PNPLA6: variants seen among roughly 807,000 people sequenced by gnomAD.
The protein encoded by PNPLA6 is patatin-like phospholipase domain-containing protein 6.
A neutral mutation model predicts 153.7 loss-of-function variants in PNPLA6; 105 were observed. The observed-to-expected ratio is 0.68, with a 90% confidence interval of 0.58 to 0.80. The LOEUF is 0.80. Among genes scored for constraint, PNPLA6 ranks in the 30% least tolerant of loss-of-function variants. The pLI, the probability that PNPLA6 is intolerant of heterozygous loss-of-function variation, is 0.00. For missense variants in PNPLA6, 1,423 were observed against 1,919.3 expected (o/e 0.74, Z 4.83); for synonymous variants, 825 against 822.2 (o/e 1.00, Z -0.06).
At chr19:7,557,966 G>A (rs2023957670) in intron 27 of PNPLA6, among the ~76,000 whole-genome samples, 1 of 152,292 alleles carries the variant, frequency 6.6e-6, no homozygotes, top group Non-Finnish European at 1.5e-5. Context: ...TCTCTCAGGG[G>A]CAGGTAGGGC....
Position 7,541,088 on chromosome 19 carries a change from AC to A in PNPLA6, c.924+41del. 1 of 1,596,042 alleles carries A rather than the reference AC, an allele frequency of 6.3e-7. No homozygotes were observed. The highest frequency in any genetic ancestry group is 1.1e-5 in the South Asian group (1 of 88,686). ...TTCGCCTCCTGTCACCCCCTGAGGGACCCCACCCTGGCCCCCACCCATTCCA... is the reference window on the plus strand; with the variant it reads ...TTCGCCTCCTGTCACCCCCTGAGGGACCCACCCTGGCCCCCACCCATTCCA... On this transcript the variant is annotated intron_variant, in intron 7 of 31. Coordinates refer to ENST00000600737, the MANE Select transcript of PNPLA6 (RefSeq NM_001166114.2). This position sits in a 1 kb window ranked among gnomAD's most constrained non-coding sequence, Gnocchi z 5.2.
chr19:7,535,465 GA>G, upstream of PNPLA6: 1 of 1,403,876 alleles, frequency 7.1e-7, no homozygotes, highest in Non-Finnish European at 9.9e-7. The surrounding 1 kb of genome is among the most constrained non-coding windows in gnomAD (Gnocchi z 5.0). Flanking sequence ...GGTGGGCCCA[GA>G]TTGACGACTT....
chr19:7,555,405 A>G lies in PNPLA6; in HGVS notation c.2936+38A>G, dbSNP rs1185705692. On this transcript the variant is annotated intron_variant, in intron 23 of 31. Coordinates refer to ENST00000600737, the MANE Select transcript of PNPLA6 (RefSeq NM_001166114.2). The surrounding 1 kb of genome is among the most constrained non-coding windows in gnomAD (Gnocchi z 6.3). ...CTTGCTCTCTGGGGGCGGGGCCTGG[A>G]TGTCCGAGGGTGGAGCTTCCTGGGA... The G allele has an allele frequency of 4.9e-6, 7 of 1,421,722 alleles. No individual in the cohort carries two copies. The Admixed American group carries it at 5.9e-5, about 12-fold the overall frequency. The allele number at this position is 1,421,722 out of a possible 1,614,324, so 88.1% of individuals were successfully genotyped here.
At chr19:7,551,463 G>A (rs754436499) in intron 18 of PNPLA6, 26 bp downstream of exon 18, 214 of 1,581,706 alleles carry the variant, frequency 1.4e-4, no homozygotes, top group Non-Finnish European at 1.9e-4. Context: ...CCCAGAGCGT[G>A]CTGGGAGATG....
At chr19:7,539,530 G>A (rs1158350554) in intron 3 of PNPLA6, among the ~76,000 whole-genome samples, 3 of 150,962 alleles carry the variant, frequency 2.0e-5, no homozygotes, top group Non-Finnish European at 4.4e-5. Context: ...GGCCGAGTCG[G>A]GCGGATCACC....
chr19:7,535,201 C>T (rs919363795), upstream of PNPLA6: 3 of 517,720 alleles, frequency 5.8e-6, no homozygotes, highest in African/African-American at 5.8e-5. The surrounding 1 kb of genome is among the most constrained non-coding windows in gnomAD (Gnocchi z 5.0). Context: ...AGGCTGCTGA[C>T]AGTGGGTACC....
intron 3 of PNPLA6, among the ~76,000 whole-genome samples, chr19:7,538,202 C>T: frequency 6.6e-6 from 1 of 152,016 alleles, no homozygotes; most frequent in East Asian, 1.9e-4. Context: ...ATTTTGGAGA[C>T]AGGATCACAC....
In PNPLA6 at chr19:7,553,945, C is replaced by T; in HGVS notation, c.2331C>T (p.Ile777=). Residue 777 remains isoleucine, a synonymous_variant, in exon 19 of 32, where the codon ATC becomes ATT. Coordinates refer to ENST00000600737, the MANE Select transcript of PNPLA6 (RefSeq NM_001166114.2). ...NPASNLATVA[I]LPVCAEVPMV... ...CCAGCAACCTGGCAACTGTGGCAATCCTGCCTGTGTGTGCTGAGGTCCCCA... is the reference window on the plus strand; with the variant it reads ...CCAGCAACCTGGCAACTGTGGCAATTCTGCCTGTGTGTGCTGAGGTCCCCA... 6.2e-7 allele frequency: 1 copy of T among 1,614,192 alleles called. No homozygotes were observed. Among genetic ancestry groups the T allele is most frequent in the South Asian group, 1.1e-5 (1 of 91,084 alleles).
chr19:7,544,302 G>A (rs1021983022), intron 13 of PNPLA6, among the ~76,000 whole-genome samples: 3 of 151,828 alleles, frequency 2.0e-5, no homozygotes, highest in Non-Finnish European at 4.4e-5. Context: ...AGTAGAGATG[G>A]GGTTTTGCCA....
chr19:7,536,670 T>TA, intron 3 of PNPLA6, 124 bp downstream of exon 3: 1 of 737,256 alleles, frequency 1.4e-6, no homozygotes, highest in Non-Finnish European at 2.4e-6. Flanking sequence ...CTCATGCCTG[T>TA]AATTCCCAGC....
At position 7,561,689 on chromosome 19, in the gene PNPLA6, C is replaced by T. The variant is rs957413547; in HGVS notation, c.*127C>T. The stretch of plus-strand genomic sequence containing the variant: ...CCCCGCGGCCCACACACTGGACTGA[C>T]CTGCCCTGAGCGGGGATGCAGTGTT... On this transcript the variant is annotated 3_prime_UTR_variant, in exon 32 of 32. Transcript: ENST00000600737. 1 of 728,196 alleles carries T rather than the reference C, an allele frequency of 1.4e-6. No homozygotes were observed. The highest frequency in any genetic ancestry group is 2.4e-6 in the Non-Finnish European group (1 of 408,640). The allele number at this position is 728,196 out of a possible 1,614,324, so 45.1% of individuals were successfully genotyped here.
chr19:7,547,971 A>G (rs1385647515), intron 13 of PNPLA6, among the ~76,000 whole-genome samples: 1 of 151,358 alleles, frequency 6.6e-6, no homozygotes, highest in East Asian at 1.9e-4. Context: ...CCCCTTCAGT[A>G]TACTTTAAAT....
rs2023444889 is a variant in PNPLA6 at position 7,547,783 on chromosome 19, A to G, written c.1609-2124A>G. On this transcript the variant is annotated intron_variant, in intron 13 of 31. Coordinates refer to ENST00000600737, the MANE Select transcript of PNPLA6 (RefSeq NM_001166114.2). ...CTCCAGAGTAGCCAGGACTATAGACACATGCTACCATGCCTGGCTAATTAA... is the reference window on the plus strand; with the variant it reads ...CTCCAGAGTAGCCAGGACTATAGACGCATGCTACCATGCCTGGCTAATTAA... Among the ~76,000 whole-genome samples the G allele has an allele frequency of 2.7e-5, 4 of 145,640 alleles. No homozygotes were observed. In the South Asian group the frequency reaches 8.7e-4, roughly 32 times the overall value.
chr19:7,548,508 G>T (rs937261279), intron 13 of PNPLA6, among the ~76,000 whole-genome samples: 3 of 152,032 alleles, frequency 2.0e-5, no homozygotes, highest in African/African-American at 7.2e-5. Flanking sequence ...TGGGCAGCAG[G>T]GTGGACAAGC....
intron 24 of PNPLA6, 88 bp from the exon 25 acceptor site, chr19:7,556,365 A>T (rs944885246): frequency 2.4e-6 from 2 of 839,432 alleles, no homozygotes; most frequent in Non-Finnish European, 2.1e-6. Flanking sequence ...CCTGGCCCCT[A>T]AGTGCTGCTT....
rs142422525 is a variant in PNPLA6 at position 7,558,948 on chromosome 19, G to A, written c.3496G>A (p.Gly1166Ser). 1.5e-5 allele frequency: 24 copies of A among 1,614,076 alleles called. No homozygotes were observed. Among genetic ancestry groups the A allele is most frequent in the African/African-American group, 4.0e-5 (3 of 74,944 alleles). ...CAGCACCTACGGGGACAGCCTGTCC[G>A]GCTGGTGGCTGCTGTGGAAGCGGCT... The part of the protein sequence containing the change: ...DLSTYGDSLS[G>S]WWLLWKRLNP... Residue 1166 changes from glycine (G) to serine (S), a missense_variant, in exon 28 of 32, where the codon GGC becomes AGC. Around this residue, in one of 10 missense-constraint regions of PNPLA6, gnomAD observed 643 missense variants for 835.2 expected, o/e 0.77. Transcript: ENST00000600737.
intron 18 of PNPLA6, among the ~76,000 whole-genome samples, chr19:7,553,027 A>G (rs480208): frequency 0.51 from 60,830 of 118,896 alleles, 13,568 homozygotes; most frequent in South Asian, 0.63. Context: ...GGGAGAGGTG[A>G]TGGGGGTTGG....
Position 7,559,171 on chromosome 19 carries a change from A to G in PNPLA6, c.3699+20A>G, listed in dbSNP as rs1337786946. 2.5e-6 allele frequency: 4 copies of G among 1,608,890 alleles called. No individual in the cohort carries two copies. The highest frequency in any genetic ancestry group is 1.1e-5 in the South Asian group (1 of 90,976). On this transcript the variant is annotated intron_variant, in intron 28 of 31. Transcript: ENST00000600737. ...ATCTATGTGAGTGGGCAGGAGTGGCATGGTGCCTGCATAGGTGGTCCGGCT... is the reference window on the plus strand; with the variant it reads ...ATCTATGTGAGTGGGCAGGAGTGGCGTGGTGCCTGCATAGGTGGTCCGGCT...
intron 20 of PNPLA6, 70 bp from the exon 21 acceptor site, chr19:7,554,485 C>T: frequency 5.2e-6 from 8 of 1,551,306 alleles, no homozygotes; most frequent in Non-Finnish European, 6.2e-6. Flanking sequence ...AGCAACGGAG[C>T]TATGTGGTCT....
Sources: allele counts gnomAD v4.1 joint callset (sites outside exome capture counted in the v4.1 genomes callset), GRCh38; gene constraint gnomAD v4.1.1; regional missense constraint gnomAD v4.1.1; non-coding constraint Gnocchi (gnomAD v3.1); transcripts MANE v1.5; gene names NCBI Gene and HGNC (gene_info 2026-07-23, HGNC 2026-07-21).